The following CALCR variants were observed in gnomAD, a reference collection of about 807,000 sequenced individuals.
CALCR encodes the protein calcitonin receptor.
CALCR carries 47 observed loss-of-function variants against 59.5 expected under a neutral mutation model. That is an observed-to-expected ratio of 0.79 (90% CI 0.63 to 1.01). CALCR has a LOEUF of 1.01. CALCR is among the 50% of genes least tolerant of loss of function. CALCR has a pLI of 0.00. For synonymous variants in CALCR, 213 were observed against 211.3 expected (o/e 1.01, Z -0.07); for missense variants, 566 against 597.1 (o/e 0.95, Z 0.54).
intron 6 of CALCR, among the ~76,000 whole-genome samples, chr7:93,470,675 G>A (rs1280658842): frequency 6.6e-6 from 1 of 150,930 alleles, no homozygotes; most frequent in Non-Finnish European, 1.5e-5. Flanking sequence ...TTCTAGGTTG[G>A]TTCCTTCAAA....
At chr7:93,448,986 C>A (rs1800057217) in intron 8 of CALCR, among the ~76,000 whole-genome samples, 2 of 151,824 alleles carry the variant, frequency 1.3e-5, no homozygotes, top group Non-Finnish European at 2.9e-5. Context: ...TTACAGCAAA[C>A]AACTAAAACC....
chr7:93,435,170 C>T (rs1299741102), intron 12 of CALCR, among the ~76,000 whole-genome samples: 1 of 152,150 alleles, frequency 6.6e-6, no homozygotes, highest in Non-Finnish European at 1.5e-5. Context: ...ACTGCATTCT[C>T]TCTTACATGA....
At chr7:93,564,947 G>A (rs1355594509) in intron 2 of CALCR, among the ~76,000 whole-genome samples, 2 of 152,178 alleles carry the variant, frequency 1.3e-5, no homozygotes, top group Non-Finnish European at 2.9e-5. Flanking sequence ...TAGAATAAAT[G>A]AGAATACTAT....
At chr7:93,469,323 A>C (rs1800505341) in intron 6 of CALCR, among the ~76,000 whole-genome samples, 1 of 97,694 alleles carries the variant, frequency 1.0e-5, no homozygotes, top group Non-Finnish European at 1.9e-5. Context: ...GCCATTTGAT[A>C]ATTCTTTTTT....
At chr7:93,542,241 G>A (rs1789163564) in intron 2 of CALCR, among the ~76,000 whole-genome samples, 1 of 152,134 alleles carries the variant, frequency 6.6e-6, no homozygotes, top group African/African-American at 2.4e-5. Context: ...TTGGTTGGAT[G>A]GGATACCCTA....
At chr7:93,561,887 C>T (rs746522335) in intron 2 of CALCR, among the ~76,000 whole-genome samples, 5 of 152,082 alleles carry the variant, frequency 3.3e-5, no homozygotes, top group African/African-American at 7.2e-5. Flanking sequence ...GAGTACAGGA[C>T]GGTGATTCAG....
At chr7:93,530,824 G>C (rs1788812970) in intron 2 of CALCR, among the ~76,000 whole-genome samples, 1 of 152,054 alleles carries the variant, frequency 6.6e-6, no homozygotes, top group Non-Finnish European at 1.5e-5. Context: ...AATCCTAGCA[G>C]GATGGAGGGT....
intron 13 of CALCR, among the ~76,000 whole-genome samples, chr7:93,428,605 C>T (rs1048605965): frequency 6.6e-6 from 1 of 152,104 alleles, no homozygotes; most frequent in Non-Finnish European, 1.5e-5. Context: ...TCGAGACCAT[C>T]CTGGCTAACA....
At chr7:93,548,882 G>A (rs1479958207) in intron 2 of CALCR, among the ~76,000 whole-genome samples, 1 of 126,838 alleles carries the variant, frequency 7.9e-6, no homozygotes, top group Non-Finnish European at 1.8e-5. Context: ...GTGTGTGTCT[G>A]TGTGTGTGTA....
chr7:93,495,825 A>C, intron 2 of CALCR: 1 of 1,231,632 alleles, frequency 8.1e-7, no homozygotes, highest in Non-Finnish European at 1.1e-6. Flanking sequence ...CATGCAAATG[A>C]AGAAACCATT....
chr7:93,550,640 C>CACACACAT (rs546932316), intron 2 of CALCR, among the ~76,000 whole-genome samples: 3,845 of 146,798 alleles, frequency 0.026, 96 homozygotes, highest in Non-Finnish European at 0.035. Flanking sequence ...CACACACACA[C>CACACACAT]GAGAGACAGA....
chr7:93,427,051 A>G (rs1187859722), intron 13 of CALCR, among the ~76,000 whole-genome samples: 1 of 152,180 alleles, frequency 6.6e-6, no homozygotes, highest in East Asian at 1.9e-4. Flanking sequence ...CGTACAGTGA[A>G]CTTTTCCTTG....
intron 2 of CALCR, among the ~76,000 whole-genome samples, chr7:93,552,391 G>A (rs1584626847): frequency 6.6e-6 from 1 of 152,094 alleles, no homozygotes; most frequent in Non-Finnish European, 1.5e-5. Flanking sequence ...CCCTTTCCAA[G>A]GCCACACTGT....
At position 93,573,574 on chromosome 7, in the gene CALCR, T is replaced by C. The variant is rs1360476493; in HGVS notation, c.-27+715A>G. On this transcript the variant is annotated intron_variant, in intron 2 of 13. Coordinates refer to ENST00000426151, the MANE Select transcript of CALCR (RefSeq NM_001742.4). The stretch of plus-strand genomic sequence containing the variant: ...TTAGGTAGATTTGCCAAATAAAGTC[T>C]GTATGATAGTTTACTAATCTCAATT... 2.0e-5 allele frequency among the ~76,000 whole-genome samples: 3 copies of C among 152,206 alleles called. No individual in the cohort carries two copies. The East Asian group carries it at 5.8e-4, about 29-fold the overall frequency.
chr7:93,439,748 A>G (rs1799861678), intron 9 of CALCR, among the ~76,000 whole-genome samples: 1 of 152,124 alleles, frequency 6.6e-6, no homozygotes, highest in African/African-American at 2.4e-5. Flanking sequence ...TATTTGTTCA[A>G]TATAGAAGTC....
At chr7:93,459,242 G>C (rs1305088523) in intron 8 of CALCR, among the ~76,000 whole-genome samples, 3 of 152,232 alleles carry the variant, frequency 2.0e-5, no homozygotes, top group African/African-American at 7.2e-5. Context: ...GTGTTACTAA[G>C]CCCTCACTGA....
intron 11 of CALCR, among the ~76,000 whole-genome samples, chr7:93,437,343 AT>A: frequency 6.6e-6 from 1 of 152,194 alleles, no homozygotes; most frequent in African/African-American, 2.4e-5. Flanking sequence ...AGCTATTATT[AT>A]TTTTGTTATT....
chr7:93,467,568 T>G (rs1800465556), intron 7 of CALCR, among the ~76,000 whole-genome samples: 2 of 151,702 alleles, frequency 1.3e-5, no homozygotes, highest in Non-Finnish European at 3.0e-5. Flanking sequence ...TGTTTTAAAT[T>G]TATTTTTTGC....
chr7:93,438,761 A>T (rs1799837670), intron 9 of CALCR, among the ~76,000 whole-genome samples: 1 of 152,126 alleles, frequency 6.6e-6, no homozygotes, highest in Non-Finnish European at 1.5e-5. Context: ...CTGTCTGTTT[A>T]TATCTCATGC....
Sources: allele counts gnomAD v4.1 joint callset (sites outside exome capture counted in the v4.1 genomes callset), GRCh38; gene constraint gnomAD v4.1.1; transcripts MANE v1.5; gene names NCBI Gene and HGNC (gene_info 2026-07-23, HGNC 2026-07-21).